Variants in HIPK2 observed in about 807,000 individuals in gnomAD.
HIPK2 encodes homeodomain-interacting protein kinase 2.
Under a neutral mutation model 113.7 loss-of-function variants are expected in HIPK2, and 27 were observed. The observed-to-expected ratio is 0.24, with a 90% CI of 0.17 to 0.33. The LOEUF (loss-of-function observed/expected upper bound fraction) is 0.33, where lower values mean the gene tolerates loss of function less well. HIPK2 is among the 10% of genes least tolerant of loss of function. The pLI is 1.00. For synonymous variants in HIPK2, 631 were observed against 642.2 expected, an observed-to-expected ratio of 0.98 and a Z score of 0.26; for missense variants, 1,257 against 1,588.0, an observed-to-expected ratio of 0.79 and a Z score of 3.54.
At chr7:139,643,930 T>G (rs1421381331) in intron 2 of HIPK2, among the ~76,000 whole-genome samples, 1 of 152,212 alleles carries the variant, frequency 6.6e-6, no homozygotes, top group Admixed American at 6.5e-5. Context: ...TCTCTGGTGC[T>G]ATACCATGAA....
intron 1 of HIPK2, among the ~76,000 whole-genome samples, chr7:139,726,099 G>A (rs969729685): frequency 2.4e-4 from 36 of 152,166 alleles, no homozygotes; most frequent in Non-Finnish European, 3.2e-4. Flanking sequence ...GTGTCTTCTG[G>A]TTATGACATC....
At chr7:139,703,937 A>T (rs1585397522) in intron 2 of HIPK2, among the ~76,000 whole-genome samples, 2 of 99,596 alleles carry the variant, frequency 2.0e-5, no homozygotes, top group African/African-American at 8.5e-5. Context: ...CCACACCCAC[A>T]CTATATCCAA....
At chr7:139,693,050 C>G (rs1378281207) in intron 2 of HIPK2, among the ~76,000 whole-genome samples, 1 of 149,618 alleles carries the variant, frequency 6.7e-6, no homozygotes, top group Non-Finnish European at 1.5e-5. Flanking sequence ...ACAACAGTTC[C>G]TAACCCCAAG....
At chr7:139,606,675 G>C (rs10251067) in intron 9 of HIPK2, among the ~76,000 whole-genome samples, 21,710 of 152,184 alleles carry the variant, frequency 0.14, 1,639 homozygotes, top group African/African-American at 0.18. Context: ...ATTCTCTCTA[G>C]GGGAAATGAC....
rs200696557 is a variant in HIPK2 at position 139,756,801 on chromosome 7, G to A, written c.19+20804C>T. ...GGTACAGGGAGTTCCCATACACACC[G>A]CCTGCTCTCACGCATGCATCAACTA... On this transcript the variant is annotated intron_variant, in intron 1 of 14. Coordinates refer to ENST00000406875, the MANE Select transcript of HIPK2 (RefSeq NM_022740.5). Among the ~76,000 whole-genome samples the A allele has an allele frequency of 5.3e-5, 8 of 152,248 alleles. No individual in the cohort carries two copies. The East Asian group carries it at 1.2e-3, about 22-fold the overall frequency.
In HIPK2 at chr7:139,627,590, T is replaced by G. The variant is rs189365299; in HGVS notation, c.1435-805A>C. Reference sequence around the variant, plus strand: ...GATTTCTGTATTTTCCAGGACATGGTCTGGAAACCAATTTCAGTTTTCTCA... The same window carrying G: ...GATTTCTGTATTTTCCAGGACATGGGCTGGAAACCAATTTCAGTTTTCTCA... On this transcript the variant is annotated intron_variant, in intron 5 of 14. Transcript: ENST00000406875. 6.0e-4 allele frequency among the ~76,000 whole-genome samples: 91 copies of G among 152,320 alleles called. No individual in the cohort carries two copies. The Middle Eastern group carries it at 0.014, about 23-fold the overall frequency.
intron 12 of HIPK2, among the ~76,000 whole-genome samples, chr7:139,592,251 G>A (rs1263999318): frequency 6.6e-6 from 1 of 152,182 alleles, no homozygotes; most frequent in African/African-American, 2.4e-5. Flanking sequence ...AACGTCGGCT[G>A]AAACAGTGGC....
chr7:139,757,149 C>T (rs1247108631), intron 1 of HIPK2, among the ~76,000 whole-genome samples: 1 of 152,164 alleles, frequency 6.6e-6, no homozygotes, highest in African/African-American at 2.4e-5. Context: ...TATGTACCAG[C>T]AACTCTCAAT....
intron 1 of HIPK2, among the ~76,000 whole-genome samples, chr7:139,745,087 T>C (rs1796168181): frequency 1.3e-5 from 2 of 152,186 alleles, no homozygotes; most frequent in South Asian, 4.1e-4. Context: ...TTCACTGCAA[T>C]TAGTTAGGAA....
At chr7:139,658,077 T>C (rs938275096) in intron 2 of HIPK2, among the ~76,000 whole-genome samples, 6 of 152,104 alleles carry the variant, frequency 3.9e-5, no homozygotes, top group African/African-American at 9.7e-5. Context: ...TAAGAATCAA[T>C]AGGGGATCAC....
At chr7:139,665,325 C>T (rs1211563364) in intron 2 of HIPK2, among the ~76,000 whole-genome samples, 8 of 152,208 alleles carry the variant, frequency 5.3e-5, no homozygotes, top group Admixed American at 2.0e-4. Flanking sequence ...AGGTGTGACC[C>T]GCTGTGCCCA....
intron 2 of HIPK2, among the ~76,000 whole-genome samples, chr7:139,702,674 A>G (rs986379354): frequency 5.3e-5 from 8 of 152,200 alleles, no homozygotes; most frequent in Admixed American, 2.0e-4. Flanking sequence ...ATGCATGGGC[A>G]TGCAGGCCAT....
At chr7:139,648,678 C>A (rs1224629887) in intron 2 of HIPK2, among the ~76,000 whole-genome samples, 1 of 152,160 alleles carries the variant, frequency 6.6e-6, no homozygotes, top group African/African-American at 2.4e-5. Context: ...CAACGCCCCC[C>A]ACCCTTCTCA....
chr7:139,762,802 G>A (rs565596275), intron 1 of HIPK2, among the ~76,000 whole-genome samples: 1 of 152,328 alleles, frequency 6.6e-6, no homozygotes, highest in Admixed American at 6.5e-5. Context: ...AACCACAGAT[G>A]GGTTTCTATC....
At chr7:139,665,119 C>T (rs1282485263) in intron 2 of HIPK2, among the ~76,000 whole-genome samples, 6 of 151,876 alleles carry the variant, frequency 4.0e-5, no homozygotes, top group Non-Finnish European at 8.8e-5. Flanking sequence ...CTCCCTGCAG[C>T]CTAGACCTCC....
intron 1 of HIPK2, among the ~76,000 whole-genome samples, chr7:139,739,687 C>G (rs909043714): frequency 2.0e-5 from 3 of 152,052 alleles, no homozygotes; most frequent in Non-Finnish European, 4.4e-5. Flanking sequence ...TTATCAGAAA[C>G]CCCATACCCA....
At chr7:139,719,288 G>A (rs1326779269) in intron 1 of HIPK2, among the ~76,000 whole-genome samples, 1 of 151,962 alleles carries the variant, frequency 6.6e-6, no homozygotes, top group Non-Finnish European at 1.5e-5. Flanking sequence ...CATATTTTTA[G>A]TAGAGACGGG....
chr7:139,609,749 G>A (rs1799747476), intron 9 of HIPK2, among the ~76,000 whole-genome samples: 1 of 152,166 alleles, frequency 6.6e-6, no homozygotes, highest in Non-Finnish European at 1.5e-5. Flanking sequence ...CATGGATTAA[G>A]TGACAAGCAG....
chr7:139,667,840 T>G (rs1269422049), intron 2 of HIPK2, among the ~76,000 whole-genome samples: 2 of 152,194 alleles, frequency 1.3e-5, no homozygotes, highest in African/African-American at 2.4e-5. Context: ...AGCAATTACT[T>G]GTGGCTGGGA....
Sources: gnomAD v4.1 joint callset for allele counts (sites outside exome capture counted in the v4.1 genomes callset) on GRCh38, gnomAD v4.1.1 for gene constraint, MANE v1.5 for transcripts, NCBI Gene and HGNC (gene_info 2026-07-23, HGNC 2026-07-21) for gene names.